Variants in R3HDM1 observed in about 807,000 individuals in gnomAD.
R3HDM1 encodes the protein R3H domain containing 1.
A neutral mutation model predicts 141.1 loss-of-function variants in R3HDM1; 46 were observed. The ratio of observed to expected loss-of-function variants is 0.33; its 90% CI spans 0.26 to 0.42. The LOEUF (loss-of-function observed/expected upper bound fraction) is 0.42. R3HDM1 is among the 10% of genes least tolerant of loss of function. The pLI is 1.00. For synonymous variants in R3HDM1, 435 were observed against 472.9 expected, an observed-to-expected ratio of 0.92 and a Z score of 1.04; for missense variants, 1,184 against 1,368.3, an observed-to-expected ratio of 0.87 and a Z score of 2.12.
At chr2:135,660,247 G>T (rs538934225) in intron 18 of R3HDM1, among the ~76,000 whole-genome samples, 16 of 151,876 alleles carry the variant, frequency 1.1e-4, no homozygotes, top group East Asian at 1.9e-4. Context: ...CAGTTTTTTG[G>T]TTTTTTTTGG....
At position 135,549,298 on chromosome 2, in the gene R3HDM1, T is replaced by TA. The variant is rs201324709; in HGVS notation, c.-250+17667dup. On this transcript the variant is annotated intron_variant, in intron 1 of 26. Transcript: ENST00000683871. ...GGCCAGGCACGGTGGCTCACACCTA[T>TA]AATCCCAGCACTTTGGGAGGCAGAG... is the stretch of plus-strand genomic sequence containing the variant. 9.9e-3 allele frequency among the ~76,000 whole-genome samples: 1,512 copies of TA among 152,030 alleles called. 24 individuals are homozygous for TA. Among genetic ancestry groups the TA allele is most frequent in the African/African-American group, 0.035 (1,447 of 41,434 alleles).
At chr2:135,599,557 A>G (rs1163811588) in intron 1 of R3HDM1, among the ~76,000 whole-genome samples, 1 of 152,160 alleles carries the variant, frequency 6.6e-6, no homozygotes, top group Non-Finnish European at 1.5e-5. Flanking sequence ...ATGATGTGCC[A>G]TGTCTATCTT....
chr2:135,650,219 C>G, intron 17 of R3HDM1: 1 of 978,584 alleles, frequency 1.0e-6, no homozygotes, highest in East Asian at 1.1e-4. Flanking sequence ...TAACCTTTTC[C>G]TGCTTTTTCA....
chr2:135,702,821 A>G (rs2074414954), intron 21 of R3HDM1, among the ~76,000 whole-genome samples: 1 of 152,138 alleles, frequency 6.6e-6, no homozygotes, highest in African/African-American at 2.4e-5. Context: ...AAAAAAAGAA[A>G]AACATATAGA....
chr2:135,681,615 G>C (rs1055243598), intron 21 of R3HDM1, among the ~76,000 whole-genome samples: 9 of 152,124 alleles, frequency 5.9e-5, no homozygotes, highest in African/African-American at 2.2e-4. Flanking sequence ...AAGCTACATG[G>C]TTCTTCATAG....
chr2:135,674,283 A>C (rs965342632), intron 19 of R3HDM1, among the ~76,000 whole-genome samples: 5 of 152,234 alleles, frequency 3.3e-5, no homozygotes, highest in African/African-American at 1.2e-4. Context: ...GTGAGGATAT[A>C]AATGAAAACT....
chr2:135,532,431 A>G (rs1406621049), intron 1 of R3HDM1, among the ~76,000 whole-genome samples: 1 of 152,164 alleles, frequency 6.6e-6, no homozygotes, highest in Non-Finnish European at 1.5e-5. Context: ...TTTTATAAAG[A>G]AACTTAAATT....
chr2:135,651,345 T>C, intron 17 of R3HDM1: 1 of 984,002 alleles, frequency 1.0e-6, no homozygotes, highest in Non-Finnish European at 1.2e-6. Context: ...ACCTTGCTCA[T>C]TGCTTGGTCT....
At chr2:135,603,600 T>A (rs2059801807) in intron 2 of R3HDM1, among the ~76,000 whole-genome samples, 1 of 152,094 alleles carries the variant, frequency 6.6e-6, no homozygotes, top group South Asian at 2.1e-4. Flanking sequence ...TCTGCCATTA[T>A]TGGGTTTTTT....
intron 19 of R3HDM1, among the ~76,000 whole-genome samples, chr2:135,671,560 G>A (rs555558350): frequency 1.3e-5 from 2 of 151,302 alleles, no homozygotes; most frequent in East Asian, 4.0e-4. Context: ...GTGGAGATGG[G>A]GTTTCACTAT....
At chr2:135,677,213 T>C (rs2069346133) in intron 20 of R3HDM1, among the ~76,000 whole-genome samples, 1 of 152,210 alleles carries the variant, frequency 6.6e-6, no homozygotes, top group African/African-American at 2.4e-5. Context: ...ACCAAGTGTA[T>C]GTCCACTTTT....
intron 21 of R3HDM1, among the ~76,000 whole-genome samples, chr2:135,694,417 A>G (rs975627682): frequency 6.6e-6 from 1 of 152,200 alleles, no homozygotes; most frequent in African/African-American, 2.4e-5. Context: ...TATGAGGGAT[A>G]TTGAAGAAAG....
At chr2:135,611,059 G>A (rs2060490518) in intron 3 of R3HDM1, among the ~76,000 whole-genome samples, 1 of 151,334 alleles carries the variant, frequency 6.6e-6, no homozygotes, top group African/African-American at 2.4e-5. Context: ...AGTTAGGATT[G>A]CACCAGTGCA....
intron 9 of R3HDM1, 52 bp downstream of exon 9, chr2:135,632,053 T>C (rs769268244): frequency 7.6e-7 from 1 of 1,323,716 alleles, no homozygotes; most frequent in Admixed American, 2.4e-5. Flanking sequence ...AATAATACTT[T>C]ATCTTTCTAT....
chr2:135,564,571 C>T lies in R3HDM1; in HGVS notation c.-250+32938C>T, dbSNP rs533821371. 8.1e-4 allele frequency among the ~76,000 whole-genome samples: 124 copies of T among 152,324 alleles called. 1 individual carries two copies. The highest frequency in any genetic ancestry group is 2.6e-3 in the African/African-American group (110 of 41,582). ...TGACCTCAGGTGATCCACCCGGCCTCTGCCTCCCAAAGTGCTGAGATTACA... is the reference window on the plus strand; with the variant it reads ...TGACCTCAGGTGATCCACCCGGCCTTTGCCTCCCAAAGTGCTGAGATTACA... On this transcript the variant is annotated intron_variant, in intron 1 of 26. Coordinates refer to ENST00000683871, the MANE Select transcript of R3HDM1 (RefSeq NM_001378107.1).
chr2:135,704,564 G>C (rs941588400), intron 21 of R3HDM1, among the ~76,000 whole-genome samples: 1 of 150,778 alleles, frequency 6.6e-6, no homozygotes, highest in African/African-American at 2.4e-5. Flanking sequence ...TCTGCCTCCC[G>C]GGTTCAAGTG....
rs569122693 is a variant in R3HDM1 at position 135,666,068 on chromosome 2, A to G, written c.2152+4675A>G. Among the ~76,000 whole-genome samples, 4 of 152,208 alleles carry G rather than the reference A, an allele frequency of 2.6e-5. No homozygotes were observed. In the South Asian group the frequency reaches 8.3e-4, roughly 31 times the overall value. ...AGCTTTCCAGATAACCCAGAATCATATGGTTCCAAGTTGATTAAGCTTTGT... is the reference window on the plus strand; with the variant it reads ...AGCTTTCCAGATAACCCAGAATCATGTGGTTCCAAGTTGATTAAGCTTTGT... On this transcript the variant is annotated intron_variant, in intron 19 of 26. Coordinates refer to ENST00000683871, the MANE Select transcript of R3HDM1 (RefSeq NM_001378107.1).
At chr2:135,667,910 G>C (rs1037509255) in intron 19 of R3HDM1, 7 of 364,534 alleles carry the variant, frequency 1.9e-5, no homozygotes, top group African/African-American at 1.6e-4. Flanking sequence ...CTCTGTAACG[G>C]TTCATGCCCA....
chr2:135,549,562 A>C (rs76036802), intron 1 of R3HDM1, among the ~76,000 whole-genome samples: 1 of 109,366 alleles, frequency 9.1e-6, no homozygotes, highest in East Asian at 2.2e-4. Context: ...ACTCTGCCTC[A>C]AAAAAAAAAA....
Sources: allele counts gnomAD v4.1 joint callset (sites outside exome capture counted in the v4.1 genomes callset), GRCh38; gene constraint gnomAD v4.1.1; transcripts MANE v1.5; gene names NCBI Gene and HGNC (gene_info 2026-07-23, HGNC 2026-07-21).